Variants in SMIM12 observed in about 807,000 individuals in gnomAD.
SMIM12 encodes the protein UPF0767 protein C1orf212.
A neutral mutation model predicts 6.3 loss-of-function variants in SMIM12; 5 were observed. That is an observed-to-expected ratio of 0.80 (90% CI 0.42 to 1.68). The LOEUF is 1.68. Ranked by LOEUF, SMIM12 falls within the 40% of genes most tolerant of loss-of-function variation. The pLI, the probability that SMIM12 is intolerant of heterozygous loss-of-function variation, is 0.02. For missense variants in SMIM12, 103 were observed against 121.4 expected, an observed-to-expected ratio of 0.85 and a Z score of 0.71; for synonymous variants, 51 against 48.0, an observed-to-expected ratio of 1.06 and a Z score of -0.26.
chr1:34,855,375 A>G lies in SMIM12; in HGVS notation c.*324T>C, dbSNP rs761569865. On this transcript the variant is annotated 3_prime_UTR_variant, in exon 2 of 2. Transcript: ENST00000521580. ...CAACGCCCAAATCCCAGCCATTCCC[A>G]CTAGAGGCCAAACCGCCTGCCCACA... 1.4e-6 allele frequency: 2 copies of G among 1,464,180 alleles called. No individual in the cohort carries two copies. Among genetic ancestry groups the G allele is most frequent in the South Asian group, 1.1e-5 (1 of 88,976 alleles). The allele number at this position is 1,464,180 out of a possible 1,614,324, so 90.7% of individuals were successfully genotyped here. A position where few individuals can be genotyped will look rare whatever the true frequency, so the allele number is the denominator to read the frequency against.
chr1:34,858,624 A>G (rs543822189), intron 1 of SMIM12: 1 of 152,340 alleles, frequency 6.6e-6, no homozygotes, highest in African/African-American at 2.4e-5. Flanking sequence ...AGTCCTCTGT[A>G]TAAGTAAATG....
rs969332375 is a variant in SMIM12, at chr1:34,851,266, C to A, written c.*4433G>T. ...TTACCTCATCCTCACAACAACCCAA[C>A]AAAAATTCTTACCCCTATTTTACAG... On this transcript the variant is annotated 3_prime_UTR_variant, in exon 2 of 2. Transcript: ENST00000521580. 1.3e-5 allele frequency: 2 copies of A among 152,276 alleles called. No homozygotes were observed. The highest frequency in any genetic ancestry group is 1.3e-4 in the Admixed American group (2 of 15,306). 9.4% of individuals were successfully genotyped at this position (152,276 alleles called of 1,614,324 possible).
At position 34,850,964 on chromosome 1, in the gene SMIM12, T is replaced by C. The variant is rs1640916711; in HGVS notation, c.*4735A>G. 1 of 152,230 alleles carries C rather than the reference T, an allele frequency of 6.6e-6. No homozygotes were observed. Among genetic ancestry groups the C allele is most frequent in the Admixed American group, 6.5e-5 (1 of 15,276 alleles). 9.4% of individuals were successfully genotyped at this position (152,230 alleles called of 1,614,324 possible). On this transcript the variant is annotated 3_prime_UTR_variant, in exon 2 of 2. Coordinates refer to ENST00000521580, the MANE Select transcript of SMIM12 (RefSeq NM_138428.6). ...GCAAGCCAGTTCTCTCTGTGAAATA[T>C]TTCTAAGCAGCCCTCAACCACCAGG...
In SMIM12 at chr1:34,855,275, G is replaced by A; in HGVS notation, c.*424C>T. 7.3e-7 allele frequency: 1 copy of A among 1,374,704 alleles called. No individual in the cohort carries two copies. Among genetic ancestry groups the A allele is most frequent in the South Asian group, 1.1e-5 (1 of 88,114 alleles). 85.2% of individuals were successfully genotyped at this position (1,374,704 alleles called of 1,614,324 possible). A position where few individuals can be genotyped will look rare whatever the true frequency, so the allele number is the denominator to read the frequency against. Reference sequence around the variant, plus strand: ...AGCACAAAGGATAGGGCAAAATAGTGAAGGGAGCCAGGTGCATATTTGAAT... The same window carrying A: ...AGCACAAAGGATAGGGCAAAATAGTAAAGGGAGCCAGGTGCATATTTGAAT... On this transcript the variant is annotated 3_prime_UTR_variant, in exon 2 of 2. Coordinates refer to ENST00000521580, the MANE Select transcript of SMIM12 (RefSeq NM_138428.6).
At chr1:34,858,762 A>G (rs1028774168) in intron 1 of SMIM12, 1 of 152,208 alleles carries the variant, frequency 6.6e-6, no homozygotes, top group Non-Finnish European at 1.5e-5. Context: ...CATTCTAATC[A>G]TTCCCAAATA....
intron 1 of SMIM12, chr1:34,858,227 A>G (rs1638713400): frequency 6.6e-6 from 1 of 152,162 alleles, no homozygotes. Flanking sequence ...TAACACCTCT[A>G]TGATGTAGGA....
At chr1:34,856,465 AG>A (rs1638656084) in intron 1 of SMIM12, 1 of 156,900 alleles carries the variant, frequency 6.4e-6, no homozygotes, top group African/African-American at 2.4e-5. Context: ...TTAGGGAAGA[AG>A]GAAGGATCTC....
chr1:34,853,825 AT>A lies in SMIM12; in HGVS notation c.*1873del, dbSNP rs1638546919. 1 of 152,160 alleles carries A rather than the reference AT, an allele frequency of 6.6e-6. No homozygotes were observed. The highest frequency in any genetic ancestry group is 2.4e-5 in the African/African-American group (1 of 41,432). 9.4% of individuals were successfully genotyped at this position (152,160 alleles called of 1,614,324 possible). A position where few individuals can be genotyped will look rare whatever the true frequency, so the allele number is the denominator to read the frequency against. ...TGGTGAAACCCTGTCTCTACTAAAA[AT>A]ACAAAAATTAGCCAGGCGTAGCGGC... On this transcript the variant is annotated 3_prime_UTR_variant, in exon 2 of 2. Transcript: ENST00000521580.
intron 1 of SMIM12, chr1:34,858,084 C>A (rs538269026): frequency 6.6e-6 from 1 of 151,776 alleles, no homozygotes; most frequent in East Asian, 1.9e-4. Context: ...GGTTAAGGAC[C>A]CCTGCAATAA....
rs1557676366 is a variant in SMIM12, at chr1:34,852,169, T to C, written c.*3530A>G. On this transcript the variant is annotated 3_prime_UTR_variant, in exon 2 of 2. Transcript: ENST00000521580. ...TGCCCTTGGAAAGGAAAGAAAAGAA[T>C]TTAAAAGGGGGCACAATCAAAGTGA... Among the ~76,000 whole-genome samples, 1 of 144,570 alleles carries C rather than the reference T, an allele frequency of 6.9e-6. No homozygotes were observed. Among genetic ancestry groups the C allele is most frequent in the African/African-American group, 2.5e-5 (1 of 39,528 alleles). 94.8% of individuals were successfully genotyped at this position (144,570 alleles called of 152,430 possible). A position where few individuals can be genotyped will look rare whatever the true frequency, so the allele number is the denominator to read the frequency against.
At chr1:34,856,953 C>G (rs1638672499) in intron 1 of SMIM12, among the ~76,000 whole-genome samples, 1 of 151,938 alleles carries the variant, frequency 6.6e-6, no homozygotes, top group Non-Finnish European at 1.5e-5. Flanking sequence ...CCTGTAATTC[C>G]AGAACTTTGG....
At chr1:34,859,432 C>T (rs1422272162) in intron 1 of SMIM12, 1 of 152,356 alleles carries the variant, frequency 6.6e-6, no homozygotes, top group East Asian at 1.9e-4. Context: ...TGTGAGTCTC[C>T]CGGTCCCCTG....
chr1:34,856,258 C>A (rs983527603), intron 1 of SMIM12, among the ~76,000 whole-genome samples: 4 of 151,996 alleles, frequency 2.6e-5, no homozygotes, highest in Admixed American at 2.6e-4. Context: ...GACAGGGTTT[C>A]ACCATGTTGG....
rs1640934437 is a variant in SMIM12 at position 34,851,731 on chromosome 1, G to A, written c.*3968C>T. 6.6e-6 allele frequency among the ~76,000 whole-genome samples: 1 copy of A among 152,196 alleles called. No individual in the cohort carries two copies. Among genetic ancestry groups the A allele is most frequent in the Non-Finnish European group, 1.5e-5 (1 of 68,032 alleles). Reference sequence around the variant, plus strand: ...ACCAGACACTGAACCGCTGCAGGGAGAGAAGTGATTCCTGCCGTGCTCGGA... The same window carrying A: ...ACCAGACACTGAACCGCTGCAGGGAAAGAAGTGATTCCTGCCGTGCTCGGA... On this transcript the variant is annotated 3_prime_UTR_variant, in exon 2 of 2. Coordinates refer to ENST00000521580, the MANE Select transcript of SMIM12 (RefSeq NM_138428.6).
rs2148376341 is a variant in SMIM12, at chr1:34,853,207, G to A, written c.*2492C>T. ...GGAACTCCACCCTCACCCACCTGTG[G>A]ACACCATCAGGCCTCACGAGAGAGA... is the stretch of plus-strand genomic sequence containing the variant. On this transcript the variant is annotated 3_prime_UTR_variant, in exon 2 of 2. Coordinates refer to ENST00000521580, the MANE Select transcript of SMIM12 (RefSeq NM_138428.6). The A allele has an allele frequency of 6.6e-6, 1 of 152,544 alleles. No homozygotes were observed. Among genetic ancestry groups the A allele is most frequent in the South Asian group, 2.1e-4 (1 of 4,824 alleles). The allele number at this position is 152,544 out of a possible 1,614,324, so 9.4% of individuals were successfully genotyped here.
At chr1:34,858,593 T>C (rs913870169) in intron 1 of SMIM12, 1 of 152,164 alleles carries the variant, frequency 6.6e-6, no homozygotes, top group African/African-American at 2.4e-5. Flanking sequence ...ACTTCTCCAT[T>C]TTACTTCCAC....
At position 34,852,485 on chromosome 1, in the gene SMIM12, A is replaced by C. The variant is rs1638477624; in HGVS notation, c.*3214T>G. On this transcript the variant is annotated 3_prime_UTR_variant, in exon 2 of 2. Coordinates refer to ENST00000521580, the MANE Select transcript of SMIM12 (RefSeq NM_138428.6). Reference sequence around the variant, plus strand: ...CGCCAAAAAAAAAAAAAAAAAAAAAACCATAATTATAGGTGTCATCAGAAG... The same window carrying C: ...CGCCAAAAAAAAAAAAAAAAAAAAACCCATAATTATAGGTGTCATCAGAAG... 6.7e-6 allele frequency among the ~76,000 whole-genome samples: 1 copy of C among 148,302 alleles called. No individual in the cohort carries two copies.
At position 34,853,437 on chromosome 1, in the gene SMIM12, T is replaced by C. The variant is rs1352335349; in HGVS notation, c.*2262A>G. The C allele has an allele frequency of 1.5e-4, 23 of 152,234 alleles. No individual in the cohort carries two copies. Among genetic ancestry groups the C allele is most frequent in the Admixed American group, 1.4e-3 (22 of 15,282 alleles). The allele number at this position is 152,234 out of a possible 1,614,324, so 9.4% of individuals were successfully genotyped here. A position where few individuals can be genotyped will look rare whatever the true frequency, so the allele number is the denominator to read the frequency against. On this transcript the variant is annotated 3_prime_UTR_variant, in exon 2 of 2. Transcript: ENST00000521580. The stretch of plus-strand genomic sequence containing the variant: ...AGTGGTAAGATTTAGTAGAAACTCC[T>C]AGAGCCCTTTTGGAAAGACATTTGG...
intron 1 of SMIM12, chr1:34,858,437 C>T (rs2148384863): frequency 6.6e-6 from 1 of 152,294 alleles, no homozygotes; most frequent in Middle Eastern, 3.4e-3. Flanking sequence ...GGAGAGCTTC[C>T]TACAGTTTTT....
Sources: gnomAD v4.1 joint callset for allele counts (sites outside exome capture counted in the v4.1 genomes callset) on GRCh38, gnomAD v4.1.1 for gene constraint, MANE v1.5 for transcripts, NCBI Gene and HGNC (gene_info 2026-07-23, HGNC 2026-07-21) for gene names.